Variants in RORA observed in about 807,000 individuals in gnomAD.
RORA encodes RAR related orphan receptor A.
In RORA, 7 loss-of-function variants were observed where a neutral mutation model predicts 69.5. That is an observed-to-expected ratio of 0.10 (90% CI 0.06 to 0.19). RORA has a LOEUF of 0.19. RORA is among the 10% of genes least tolerant of loss of function. RORA has a pLI of 1.00. For missense variants in RORA, 457 were observed against 663.0 expected (o/e 0.69, Z 3.41); for synonymous variants, 261 against 240.8 (o/e 1.08, Z -0.78).
chr15:60,691,436 A>C (rs866301752), intron 1 of RORA, among the ~76,000 whole-genome samples: 1 of 152,216 alleles, frequency 6.6e-6, no homozygotes, highest in South Asian at 2.1e-4. Flanking sequence ...ACTCACAAAA[A>C]ATTGTTAACT....
intron 1 of RORA, among the ~76,000 whole-genome samples, chr15:61,186,889 G>A (rs2079748616): frequency 6.6e-6 from 1 of 152,206 alleles, no homozygotes; most frequent in Non-Finnish European, 1.5e-5. Context: ...ATCAGGAGGA[G>A]TCACTAAAGA....
intron 2 of RORA, among the ~76,000 whole-genome samples, chr15:60,554,638 C>T (rs1218572047): frequency 6.6e-6 from 1 of 152,146 alleles, no homozygotes; most frequent in African/African-American, 2.4e-5. Context: ...AAACAAAAAA[C>T]ACATTATCCT....
chr15:60,807,679 T>C (rs1048202135), intron 1 of RORA, among the ~76,000 whole-genome samples: 1 of 152,262 alleles, frequency 6.6e-6, no homozygotes, highest in Middle Eastern at 3.4e-3. Flanking sequence ...CAAACTATAC[T>C]ATACGGCCAT....
intron 1 of RORA, among the ~76,000 whole-genome samples, chr15:60,874,112 A>G (rs2073588341): frequency 6.6e-6 from 1 of 152,228 alleles, no homozygotes; most frequent in African/African-American, 2.4e-5. Flanking sequence ...GCTCAAGAAA[A>G]TTGATAAAAA....
chr15:61,193,251 C>T (rs2079817670), intron 1 of RORA, among the ~76,000 whole-genome samples: 1 of 152,108 alleles, frequency 6.6e-6, no homozygotes, highest in Admixed American at 6.5e-5. Flanking sequence ...TTTCATAAAA[C>T]AATAATATAT....
chr15:60,664,507 A>G (rs1596107760), intron 2 of RORA, among the ~76,000 whole-genome samples: 2 of 152,320 alleles, frequency 1.3e-5, no homozygotes, highest in Middle Eastern at 3.4e-3. Flanking sequence ...TCAGAAGCCT[A>G]AAAGATCTTC....
At chr15:61,182,160 T>C (rs1438605463) in intron 1 of RORA, among the ~76,000 whole-genome samples, 1 of 152,112 alleles carries the variant, frequency 6.6e-6, no homozygotes, top group Non-Finnish European at 1.5e-5. Context: ...AAGAAGGAAA[T>C]CTCACCATGG....
intron 1 of RORA, among the ~76,000 whole-genome samples, chr15:60,687,922 A>G (rs2070771197): frequency 6.6e-6 from 1 of 152,230 alleles, no homozygotes. Flanking sequence ...ATTTGGGGCA[A>G]GATACTCTCT....
chr15:60,967,896 T>C (rs1191186892), intron 1 of RORA, among the ~76,000 whole-genome samples: 1 of 152,156 alleles, frequency 6.6e-6, no homozygotes, highest in Non-Finnish European at 1.5e-5. Context: ...TGGTTACAAA[T>C]GCTTGCCATC....
intron 1 of RORA, among the ~76,000 whole-genome samples, chr15:60,979,285 T>A (rs78640886): frequency 0.32 from 43,955 of 138,602 alleles, 7,985 homozygotes; most frequent in East Asian, 0.6. Flanking sequence ...TTTTTTTTTT[T>A]TTTTTTCCAA....
chr15:61,013,381 C>T (rs11071580), intron 1 of RORA, among the ~76,000 whole-genome samples: 23,984 of 152,162 alleles, frequency 0.16, 1,964 homozygotes, highest in East Asian at 0.19. Context: ...AACTATCTAG[C>T]CCTTTACAGA....
In RORA at chr15:60,711,657, A is replaced by T. The variant is rs557853500; in HGVS notation, c.167-32971T>A. Among the ~76,000 whole-genome samples, 113 of 152,226 alleles carry T rather than the reference A, an allele frequency of 7.4e-4. 1 individual carries two copies. The highest frequency in any genetic ancestry group is 2.7e-3 in the African/African-American group (111 of 41,562). On this transcript the variant is annotated intron_variant, in intron 1 of 10. Coordinates refer to ENST00000335670, the MANE Select transcript of RORA (RefSeq NM_134261.3). Reference sequence around the variant, plus strand: ...AAGCACCCCTAATGGTGGCTAATAAATTCGATTGCATCTATCCTTCAGTTT... The same window carrying T: ...AAGCACCCCTAATGGTGGCTAATAATTTCGATTGCATCTATCCTTCAGTTT...
Position 60,931,796 on chromosome 15 carries a change from G to C in RORA, c.167-253110C>G, listed in dbSNP as rs571947050. ...CTAAGCTCTTCTGCCTTATGAGGCT[G>C]ATAGCTCAGACTCAAAACAGTTGGC... On this transcript the variant is annotated intron_variant, in intron 1 of 10. Coordinates refer to ENST00000335670, the MANE Select transcript of RORA (RefSeq NM_134261.3). Among the ~76,000 whole-genome samples, 3 of 152,342 alleles carry C rather than the reference G, an allele frequency of 2.0e-5. No individual in the cohort carries two copies. In the South Asian group the frequency reaches 6.2e-4, roughly 32 times the overall value.
intron 1 of RORA, among the ~76,000 whole-genome samples, chr15:60,925,053 T>C (rs1892167998): frequency 6.6e-6 from 1 of 151,620 alleles, no homozygotes; most frequent in Admixed American, 6.6e-5. Context: ...CATTCCAGCC[T>C]GGGTGACAGA....
intron 1 of RORA, among the ~76,000 whole-genome samples, chr15:61,043,912 C>T (rs1368533252): frequency 2.0e-5 from 3 of 152,044 alleles, no homozygotes; most frequent in Admixed American, 1.3e-4. Context: ...TCTGAAACTT[C>T]AAGAGAATTT....
At chr15:61,044,299 T>C (rs1344770981) in intron 1 of RORA, among the ~76,000 whole-genome samples, 1 of 152,170 alleles carries the variant, frequency 6.6e-6, no homozygotes, top group Non-Finnish European at 1.5e-5. Flanking sequence ...TGCCAGGCCC[T>C]TGGTATCACC....
At chr15:61,129,621 G>A (rs1480341901) in intron 1 of RORA, among the ~76,000 whole-genome samples, 1 of 152,226 alleles carries the variant, frequency 6.6e-6, no homozygotes, top group Non-Finnish European at 1.5e-5. Flanking sequence ...AATAAAAAAT[G>A]TGATACTGTT....
intron 2 of RORA, among the ~76,000 whole-genome samples, chr15:60,543,252 AG>A (rs1362165221): frequency 7.7e-6 from 1 of 129,308 alleles, no homozygotes; most frequent in Non-Finnish European, 1.6e-5. Flanking sequence ...TTGAAGACAA[AG>A]TGTAGAGATT....
chr15:60,532,841 A>G (rs2066567811), intron 2 of RORA, among the ~76,000 whole-genome samples: 1 of 152,234 alleles, frequency 6.6e-6, no homozygotes, highest in Admixed American at 6.5e-5. Flanking sequence ...GGTTTTCACT[A>G]CTGGGTATCA....
Sources: allele counts gnomAD v4.1 joint callset (sites outside exome capture counted in the v4.1 genomes callset), GRCh38; gene constraint gnomAD v4.1.1; transcripts MANE v1.5; gene names NCBI Gene and HGNC (gene_info 2026-07-23, HGNC 2026-07-21).